Variants in MYLK observed in about 807,000 individuals in gnomAD.
MYLK encodes myosin light chain kinase.
Under a neutral mutation model 203.4 loss-of-function variants are expected in MYLK, and 106 were observed. The observed-to-expected ratio is 0.52, with a 90% CI of 0.45 to 0.61. The LOEUF (loss-of-function observed/expected upper bound fraction) is 0.61, where lower values mean the gene tolerates loss of function less well. MYLK is among the 20% of genes least tolerant of loss of function. MYLK has a pLI of 0.00. For missense variants in MYLK, 2,072 were observed against 2,442.3 expected, an observed-to-expected ratio of 0.85 and a Z score of 3.20; for synonymous variants, 867 against 959.5, an observed-to-expected ratio of 0.90 and a Z score of 1.78.
intron 4 of MYLK, among the ~76,000 whole-genome samples, chr3:123,767,995 C>T (rs552301811): frequency 6.6e-6 from 1 of 152,168 alleles, no homozygotes; most frequent in Non-Finnish European, 1.5e-5. Flanking sequence ...TCTGAAGGAG[C>T]CCCTAGGCTC....
intron 11 of MYLK, among the ~76,000 whole-genome samples, chr3:123,728,424 T>C (rs944070479): frequency 2.0e-5 from 3 of 152,142 alleles, no homozygotes; most frequent in Non-Finnish European, 4.4e-5. Context: ...GGAGGATTGC[T>C]TGAGCCCAAG....
chr3:123,794,906 T>G (rs915026102), intron 3 of MYLK, among the ~76,000 whole-genome samples: 1 of 152,126 alleles, frequency 6.6e-6, no homozygotes, highest in African/African-American at 2.4e-5. Context: ...AACAACCCCA[T>G]GAAGTATGTA....
chr3:123,663,956 G>A (rs765260573), intron 23 of MYLK, 149 bp downstream of exon 23: 144 of 1,213,138 alleles, frequency 1.2e-4, no homozygotes, highest in South Asian at 2.1e-4. Context: ...GTGGGTTGCC[G>A]TGATCTTCTT....
chr3:123,622,983 T>C (rs919960634), intron 31 of MYLK: 2 of 152,242 alleles, frequency 1.3e-5, no homozygotes, highest in South Asian at 4.1e-4. Context: ...CCAGCCTCCT[T>C]CATGCAGCAC....
chr3:123,631,885 T>C (rs1173044644), intron 29 of MYLK, among the ~76,000 whole-genome samples: 1 of 151,554 alleles, frequency 6.6e-6, no homozygotes, highest in East Asian at 1.9e-4. Context: ...TTTTTTTTTT[T>C]TTGAGACAGA....
At chr3:123,826,497 C>T (rs1165056602) in intron 3 of MYLK, among the ~76,000 whole-genome samples, 3 of 152,212 alleles carry the variant, frequency 2.0e-5, no homozygotes, top group African/African-American at 7.2e-5. Flanking sequence ...AGGTAGTCCC[C>T]AGCAAACACA....
At chr3:123,666,479 G>T in intron 21 of MYLK, 133 bp from the exon 22 acceptor site, 1 of 1,242,400 alleles carries the variant, frequency 8.0e-7, no homozygotes, top group South Asian at 1.3e-5. Context: ...AGACTGAGGG[G>T]CAGTGATCCT....
chr3:123,806,891 C>T (rs903804090), intron 3 of MYLK, among the ~76,000 whole-genome samples: 2 of 151,964 alleles, frequency 1.3e-5, no homozygotes, highest in African/African-American at 4.8e-5. Flanking sequence ...TCTCGAACTC[C>T]TGACCTCAGG....
At chr3:123,670,361 T>TG (rs1389688448) in intron 20 of MYLK, among the ~76,000 whole-genome samples, 1 of 152,078 alleles carries the variant, frequency 6.6e-6, no homozygotes, top group Non-Finnish European at 1.5e-5. Context: ...GAATAGACAG[T>TG]GGCTCAGAGG....
At chr3:123,739,096 A>C (rs377698047) in intron 6 of MYLK, 34 bp from the exon 7 acceptor site, 8 of 1,610,228 alleles carry the variant, frequency 5.0e-6, no homozygotes, top group Non-Finnish European at 6.8e-6. Context: ...CCAGTCCCAG[A>C]CAAGGCAGCA....
At position 123,629,375 on chromosome 3, in the gene MYLK, G is replaced by T; in HGVS notation, c.5114+99C>A. 1 of 1,458,050 alleles carries T rather than the reference G, an allele frequency of 6.9e-7. No homozygotes were observed. Among genetic ancestry groups the T allele is most frequent in the Non-Finnish European group, 9.5e-7 (1 of 1,050,766 alleles). The allele number at this position is 1,458,050 out of a possible 1,614,324, so 90.3% of individuals were successfully genotyped here. On this transcript the variant is annotated intron_variant, in intron 30 of 33. Coordinates refer to ENST00000360304, the MANE Select transcript of MYLK (RefSeq NM_053025.4). The surrounding 1 kb of genome is among the most constrained non-coding windows in gnomAD (Gnocchi z 4.4). ...AATGCTAGGAACGACCCAAGGCGGGGTGGCAAGGAGGGCACCCCAACAGGC... is the reference window on the plus strand; with the variant it reads ...AATGCTAGGAACGACCCAAGGCGGGTTGGCAAGGAGGGCACCCCAACAGGC...
intron 13 of MYLK, among the ~76,000 whole-genome samples, chr3:123,714,510 C>T (rs1323027882): frequency 3.3e-5 from 5 of 152,132 alleles, no homozygotes; most frequent in African/African-American, 7.2e-5. Context: ...AAGACTTCTT[C>T]GTCTTGGGAG....
intron 4 of MYLK, among the ~76,000 whole-genome samples, chr3:123,787,680 C>T (rs2064589045): frequency 6.6e-6 from 1 of 152,004 alleles, no homozygotes; most frequent in Non-Finnish European, 1.5e-5. Flanking sequence ...TGTTATAATC[C>T]CTTGGAGCCC....
At chr3:123,815,574 C>T (rs2065720928) in intron 3 of MYLK, among the ~76,000 whole-genome samples, 1 of 152,160 alleles carries the variant, frequency 6.6e-6, no homozygotes, top group Non-Finnish European at 1.5e-5. Context: ...CTACTCCAAC[C>T]TCAAGGTCCA....
intron 3 of MYLK, among the ~76,000 whole-genome samples, chr3:123,819,620 T>A (rs1003581532): frequency 6.6e-6 from 1 of 152,184 alleles, no homozygotes; most frequent in Non-Finnish European, 1.5e-5. Context: ...TTTCCCATAG[T>A]CTTTATCTTA....
chr3:123,673,136 G>C (rs1198975305), intron 20 of MYLK, among the ~76,000 whole-genome samples: 5 of 150,658 alleles, frequency 3.3e-5, no homozygotes, highest in African/African-American at 4.9e-5. Flanking sequence ...ATAGCATATA[G>C]TGCAGCATGT....
At position 123,658,529 on chromosome 3, in the gene MYLK, A is replaced by G. The variant is rs114184514; in HGVS notation, c.3986-1101T>C. On this transcript the variant is annotated intron_variant, in intron 23 of 33. Coordinates refer to ENST00000360304, the MANE Select transcript of MYLK (RefSeq NM_053025.4). ...GTTCATTAACCCTTCATCTCCCCCAATGCTGTTTGATTTCATGAAGCCTCA... is the reference window on the plus strand; with the variant it reads ...GTTCATTAACCCTTCATCTCCCCCAGTGCTGTTTGATTTCATGAAGCCTCA... Among the ~76,000 whole-genome samples, 1,274 of 152,280 alleles carry G rather than the reference A, an allele frequency of 8.4e-3. 15 individuals carry two copies. Among genetic ancestry groups the G allele is most frequent in the African/African-American group, 0.024 (1,016 of 41,544 alleles).
rs930935368 is a variant in MYLK, at chr3:123,809,896, G to A, written c.-3-16052C>T. On this transcript the variant is annotated intron_variant, in intron 3 of 33. Coordinates refer to ENST00000360304, the MANE Select transcript of MYLK (RefSeq NM_053025.4). ...TAATTTCCTGCGGTTCTTATACATA[G>A]GAATCCTCTTCTATATTCCAACTTC... 5.3e-5 allele frequency among the ~76,000 whole-genome samples: 8 copies of A among 152,162 alleles called. No individual in the cohort carries two copies. In the South Asian group the frequency reaches 1.7e-3, roughly 32 times the overall value.
chr3:123,796,962 A>G lies in MYLK; in HGVS notation c.-3-3118T>C, dbSNP rs554209178. ...AGATACAGCCCAAAATTTATTTATA[A>G]GAACACTATTTGCATTATTTAGGAC... On this transcript the variant is annotated intron_variant, in intron 3 of 33. Coordinates refer to ENST00000360304, the MANE Select transcript of MYLK (RefSeq NM_053025.4). Among the ~76,000 whole-genome samples the G allele has an allele frequency of 2.0e-5, 3 of 152,362 alleles. No individual in the cohort carries two copies. The East Asian group carries it at 5.8e-4, about 29-fold the overall frequency.
Sources: allele counts gnomAD v4.1 joint callset (sites outside exome capture counted in the v4.1 genomes callset), GRCh38; gene constraint gnomAD v4.1.1; non-coding constraint Gnocchi (gnomAD v3.1); transcripts MANE v1.5; gene names NCBI Gene and HGNC (gene_info 2026-07-23, HGNC 2026-07-21).